The following PATJ variants were observed in gnomAD, a reference collection of about 807,000 sequenced individuals.
PATJ encodes the protein PATJ crumbs cell polarity complex component, also known as inaD-like protein.
PATJ carries 190 observed loss-of-function variants against 224.9 expected under a neutral mutation model. The observed-to-expected ratio is 0.84, with a 90% CI of 0.75 to 0.95. PATJ has a LOEUF of 0.95. Among genes scored for constraint, PATJ ranks in the 40% least tolerant of loss-of-function variants. The probability of loss-of-function intolerance (pLI) is 0.00; values close to 1 mark genes in which losing one functional copy is unlikely to be tolerated. For synonymous variants in PATJ, 769 were observed against 820.3 expected (o/e 0.94, Z 1.07); for missense variants, 2,121 against 2,270.3 (o/e 0.93, Z 1.34).
At chr1:62,112,949 C>T (rs1057077255) in intron 34 of PATJ, among the ~76,000 whole-genome samples, 2 of 152,144 alleles carry the variant, frequency 1.3e-5, no homozygotes. Context: ...TAACCTGGGT[C>T]AAGTCCCTAA....
At chr1:62,062,990 T>A (rs1358175000) in intron 31 of PATJ, among the ~76,000 whole-genome samples, 1 of 152,236 alleles carries the variant, frequency 6.6e-6, no homozygotes, top group East Asian at 1.9e-4. Context: ...TTTCTTTTGC[T>A]ATGCAGAAAC....
chr1:62,130,842 C>T (rs1192752168), intron 41 of PATJ, among the ~76,000 whole-genome samples: 2 of 152,120 alleles, frequency 1.3e-5, no homozygotes, highest in Non-Finnish European at 2.9e-5. Flanking sequence ...CAGAGCAAGA[C>T]TCCGTCTCAA....
rs34430786 is a variant in PATJ at position 61,746,094 on chromosome 1, AAT to A, written c.-36+3554_-36+3555del. 2.2e-3 allele frequency among the ~76,000 whole-genome samples: 323 copies of A among 148,230 alleles called. 4 individuals carry two copies. The highest frequency in any genetic ancestry group is 0.019 in the Admixed American group (279 of 14,774). ...CAGGTGTGCGCCACCACCACTGGGT[AAT>A]ATATATATATATATTTTGTATTTTT... is the stretch of plus-strand genomic sequence containing the variant. On this transcript the variant is annotated intron_variant, in intron 1 of 43. Coordinates refer to ENST00000642238, the MANE Select transcript of PATJ (RefSeq NM_001350145.3).
intron 27 of PATJ, among the ~76,000 whole-genome samples, chr1:61,949,113 G>A (rs183598193): frequency 1.3e-5 from 2 of 151,812 alleles, no homozygotes. Flanking sequence ...TATACCTAAT[G>A]TAAATGACAA....
intron 31 of PATJ, among the ~76,000 whole-genome samples, chr1:62,078,108 C>T (rs1299050062): frequency 1.3e-5 from 2 of 152,182 alleles, no homozygotes; most frequent in African/African-American, 4.8e-5. Context: ...TACCTTGGTC[C>T]TATTTCTAGA....
intron 34 of PATJ, among the ~76,000 whole-genome samples, chr1:62,110,711 A>T (rs933444254): frequency 6.6e-6 from 1 of 152,194 alleles, no homozygotes; most frequent in African/African-American, 2.4e-5. Context: ...TCCCTATGCA[A>T]TAAAATGTGG....
intron 37 of PATJ, 51 bp from the exon 38 acceptor site, chr1:62,121,130 G>C: frequency 8.8e-7 from 1 of 1,136,210 alleles, no homozygotes; most frequent in South Asian, 1.3e-5. Flanking sequence ...TATGCATTTA[G>C]GGGGTCAAGT....
chr1:62,048,564 A>AG (rs1198815963), intron 30 of PATJ, among the ~76,000 whole-genome samples: 1 of 132,822 alleles, frequency 7.5e-6, no homozygotes, highest in Non-Finnish European at 1.5e-5. Flanking sequence ...AAAAAAAAAA[A>AG]AAAAAAGAAA....
chr1:62,153,317 A>G (rs1269862702), intron 42 of PATJ, 41 bp from the exon 43 acceptor site: 2 of 1,215,774 alleles, frequency 1.6e-6, no homozygotes, highest in East Asian at 3.2e-5. Context: ...TTCCCTCTCA[A>G]TATCTATTCT....
intron 14 of PATJ, among the ~76,000 whole-genome samples, chr1:61,821,413 G>A (rs1034426835): frequency 6.6e-6 from 1 of 152,204 alleles, no homozygotes; most frequent in Non-Finnish European, 1.5e-5. Context: ...CGCAGATCCT[G>A]AAGTGCTTAG....
At chr1:62,017,743 A>AAAAG (rs1553243993) in intron 28 of PATJ, 113 bp from the exon 29 acceptor site, 52 of 517,298 alleles carry the variant, frequency 1.0e-4, no homozygotes, top group African/African-American at 6.1e-4. Flanking sequence ...AAAAAAAAAA[A>AAAAG]AAAAGAAAAG....
intron 33 of PATJ, among the ~76,000 whole-genome samples, chr1:62,098,254 G>A (rs973463911): frequency 2.0e-5 from 3 of 151,858 alleles, no homozygotes; most frequent in African/African-American, 7.3e-5. Context: ...AGCTACTCGG[G>A]AGGCTGAGGC....
At chr1:61,968,579 C>CT (rs1571563121) in intron 27 of PATJ, among the ~76,000 whole-genome samples, 1 of 151,972 alleles carries the variant, frequency 6.6e-6, no homozygotes, top group African/African-American at 2.4e-5. Context: ...TATTATTATA[C>CT]TTTAAGTTCT....
intron 41 of PATJ, among the ~76,000 whole-genome samples, chr1:62,135,260 TA>T (rs1327759202): frequency 2.0e-5 from 3 of 152,078 alleles, no homozygotes; most frequent in African/African-American, 7.2e-5. Context: ...CTCACGCCTG[TA>T]ATCCCAGCAC....
chr1:61,958,198 G>A (rs1680707214), intron 27 of PATJ, among the ~76,000 whole-genome samples: 2 of 152,022 alleles, frequency 1.3e-5, no homozygotes, highest in African/African-American at 4.8e-5. Context: ...TTTGTAATTT[G>A]TAATTTGTTT....
At chr1:62,153,046 AAAAG>A (rs747533727) in intron 42 of PATJ, among the ~76,000 whole-genome samples, 15 of 142,592 alleles carry the variant, frequency 1.1e-4, no homozygotes, top group South Asian at 2.2e-4. Flanking sequence ...AAAGAAAAAA[AAAAG>A]AGTTAAAAAC....
At chr1:61,997,094 G>A (rs1645412892) in intron 28 of PATJ, among the ~76,000 whole-genome samples, 2 of 150,738 alleles carry the variant, frequency 1.3e-5, no homozygotes, top group South Asian at 2.1e-4. Context: ...TCAAGTGTTC[G>A]ATTGTAGCTA....
At chr1:61,979,301 G>A (rs1644316696) in intron 27 of PATJ, among the ~76,000 whole-genome samples, 1 of 152,046 alleles carries the variant, frequency 6.6e-6, no homozygotes, top group Non-Finnish European at 1.5e-5. Flanking sequence ...GTAAGTGGAG[G>A]GGAAGAGAAA....
intron 16 of PATJ, among the ~76,000 whole-genome samples, chr1:61,828,142 CTGAGGCAGGAAAATCA>C (rs1167931357): frequency 6.6e-6 from 1 of 151,332 alleles, no homozygotes; most frequent in Non-Finnish European, 1.5e-5. Context: ...ACTTGGGAGG[CTGAGGCAGGAAAATCA>C]CTTGAAGCCG....
Sources: allele counts gnomAD v4.1 joint callset (sites outside exome capture counted in the v4.1 genomes callset), GRCh38; gene constraint gnomAD v4.1.1; transcripts MANE v1.5; gene names NCBI Gene and HGNC (gene_info 2026-07-23, HGNC 2026-07-21).